Variants in EDA observed in about 807,000 individuals in gnomAD.
EDA encodes the protein ectodysplasin-A.
A neutral mutation model predicts 23.6 loss-of-function variants in EDA; 2 were observed. That is an observed-to-expected ratio of 0.08 (90% CI 0.03 to 0.27). The LOEUF (loss-of-function observed/expected upper bound fraction) is 0.27, where lower values mean the gene tolerates loss of function less well. EDA is among the 10% of genes least tolerant of loss of function. The pLI is 1.00. For synonymous variants in EDA, 131 were observed against 132.0 expected (o/e 0.99, Z 0.05); for missense variants, 229 against 324.2 (o/e 0.71, Z 2.26).
intron 1 of EDA, among the ~76,000 whole-genome samples, chrX:69,726,785 C>T (rs1432945552): frequency 1.8e-5 from 2 of 112,328 alleles, no homozygotes; most frequent in Non-Finnish European, 3.8e-5. Flanking sequence ...ACTTGCCACA[C>T]GTTCAAACCC....
intron 2 of EDA, among the ~76,000 whole-genome samples, chrX:69,970,821 G>C (rs1052202820): frequency 9.0e-5 from 10 of 111,614 alleles, no homozygotes; most frequent in African/African-American, 3.2e-4. Flanking sequence ...CATTTCTGTG[G>C]AACTCCTTAT....
Position 69,811,382 on chromosome X carries a change from C to G in EDA, c.397-145645C>G, listed in dbSNP as rs1427066153. ...GGGCCCCAATACCATATTCCTATCCCTAAATGTAAATCACTGAAACTTATT... is the reference window on the plus strand; with the variant it reads ...GGGCCCCAATACCATATTCCTATCCGTAAATGTAAATCACTGAAACTTATT... On this transcript the variant is annotated intron_variant, in intron 1 of 7. Coordinates refer to ENST00000374552, the MANE Select transcript of EDA (RefSeq NM_001399.5). 2.7e-5 allele frequency among the ~76,000 whole-genome samples: 3 copies of G among 112,461 alleles called. No individual in the cohort carries two copies. In the Admixed American group the frequency reaches 2.8e-4, roughly 11 times the overall value.
intron 1 of EDA, among the ~76,000 whole-genome samples, chrX:69,782,684 G>A (rs1007857910): frequency 1.8e-5 from 2 of 111,560 alleles, no homozygotes; most frequent in Non-Finnish European, 3.8e-5. Context: ...GATAGGGAGC[G>A]GGCCAATAAA....
intron 1 of EDA, among the ~76,000 whole-genome samples, chrX:69,668,734 G>A (rs1325474311): frequency 1.8e-5 from 2 of 109,520 alleles, no homozygotes; most frequent in East Asian, 2.9e-4. Flanking sequence ...CCACCACCAC[G>A]CCCAGCTAAT....
intron 2 of EDA, among the ~76,000 whole-genome samples, chrX:70,001,656 T>C (rs780242660): frequency 4.5e-4 from 51 of 112,843 alleles, no homozygotes; most frequent in Non-Finnish European, 6.0e-4. Flanking sequence ...TAGCCTTTAC[T>C]ATGTTTAGTG....
Position 70,027,800 on chromosome X carries a change from GCA to G in EDA, c.527-56_527-55del, listed in dbSNP as rs2020132268. On this transcript the variant is annotated intron_variant, in intron 3 of 7. Coordinates refer to ENST00000374552, the MANE Select transcript of EDA (RefSeq NM_001399.5). The stretch of plus-strand genomic sequence containing the variant: ...ATCGTGCCACTGAACTCCAGCCTGG[GCA>G]ACAGAGCAGGACTCCGTCTCAAAAA... 4 of 553,993 alleles carry G rather than the reference GCA, an allele frequency of 7.2e-6. No homozygotes were observed. The African/African-American group carries it at 9.5e-5, about 13-fold the overall frequency. 45.7% of individuals were successfully genotyped at this position (553,993 alleles called of 1,213,427 possible). A position where few individuals can be genotyped will look rare whatever the true frequency, so the allele number is the denominator to read the frequency against.
chrX:69,670,183 GTTTT>G (rs544601085), intron 1 of EDA: 46 of 235,873 alleles, frequency 2.0e-4, no homozygotes, highest in Middle Eastern at 1.1e-3. Context: ...TTGGCTGACT[GTTTT>G]TTTTTTTTTT....
At chrX:69,660,287 T>A (rs915873329) in intron 1 of EDA, among the ~76,000 whole-genome samples, 11 of 111,161 alleles carry the variant, frequency 9.9e-5, no homozygotes, top group Admixed American at 6.7e-4. Context: ...TGATTGGGAA[T>A]CAAGAAGAAT....
chrX:69,698,862 G>A (rs1455962814), intron 1 of EDA, among the ~76,000 whole-genome samples: 2 of 111,315 alleles, frequency 1.8e-5, no homozygotes, highest in African/African-American at 3.3e-5. Flanking sequence ...GATGAGTGTT[G>A]GGAGTCCAAA....
At chrX:69,786,792 A>G (rs1436608579) in intron 1 of EDA, among the ~76,000 whole-genome samples, 1 of 111,357 alleles carries the variant, frequency 9.0e-6, no homozygotes, top group Non-Finnish European at 1.9e-5. Context: ...AGAGTTCTGT[A>G]GATGTCTATT....
intron 1 of EDA, among the ~76,000 whole-genome samples, chrX:69,785,807 T>C (rs2015143186): frequency 1.9e-5 from 2 of 106,834 alleles, no homozygotes; most frequent in Admixed American, 1.0e-4. Context: ...GCTGGCCTCA[T>C]AAAATGAGTT....
intron 1 of EDA, among the ~76,000 whole-genome samples, chrX:69,852,761 T>C (rs896691815): frequency 9.0e-6 from 1 of 110,750 alleles, no homozygotes; most frequent in South Asian, 3.8e-4. Flanking sequence ...TGGTGCTGAC[T>C]GGAGTGAGAA....
At chrX:69,823,304 G>T (rs895353608) in intron 1 of EDA, among the ~76,000 whole-genome samples, 7 of 80,770 alleles carry the variant, frequency 8.7e-5, no homozygotes, top group Non-Finnish European at 2.3e-5. Flanking sequence ...CTAGTTTACA[G>T]TCCCACCAAC....
intron 1 of EDA, among the ~76,000 whole-genome samples, chrX:69,818,493 G>C (rs750000917): frequency 2.2e-4 from 25 of 111,519 alleles, no homozygotes; most frequent in African/African-American, 7.5e-4. Context: ...GAATAAACAT[G>C]AGATGAATCA....
Position 70,027,942 on chromosome X carries a change from G to A in EDA, c.612G>A (p.Gly204=), listed in dbSNP as rs757986743. ...PGPQGPPGIP[G]IPGIPGTTVM... The stretch of plus-strand genomic sequence containing the variant: ...CCCAGGGACCCCCAGGAATTCCAGG[G>A]ATTCCTGGAATTCCAGGAACAACTG... The change falls in exon 4 of 8, where the codon GGG becomes GGA. Residue 204 remains glycine (G), a synonymous_variant. Coordinates refer to ENST00000374552, the MANE Select transcript of EDA (RefSeq NM_001399.5). 1.7e-6 allele frequency: 2 copies of A among 1,179,612 alleles called. No individual in the cohort carries two copies. The highest frequency in any genetic ancestry group is 1.8e-5 in the African/African-American group (1 of 55,704).
At chrX:69,642,334 T>C (rs1301661858) in intron 1 of EDA, among the ~76,000 whole-genome samples, 2 of 111,802 alleles carry the variant, frequency 1.8e-5, no homozygotes, top group African/African-American at 3.2e-5. Context: ...TCAGTATTAT[T>C]GTGAAGACCA....
At chrX:69,998,339 C>CT (rs918223550) in intron 2 of EDA, among the ~76,000 whole-genome samples, 1 of 112,442 alleles carries the variant, frequency 8.9e-6, no homozygotes, top group Non-Finnish European at 1.9e-5. Flanking sequence ...TGCATGGGGC[C>CT]TGTAGCCCCT....
rs1209134932 is a variant in EDA at position 69,662,601 on chromosome X, G to A, written c.396+45897G>A. 5.3e-5 allele frequency among the ~76,000 whole-genome samples: 6 copies of A among 112,204 alleles called. No homozygotes were observed. In the South Asian group the frequency reaches 2.2e-3, roughly 42 times the overall value. The stretch of plus-strand genomic sequence containing the variant: ...TACAGTAAATTGGCACCGAGGTAGT[G>A]GGACATTGCTGTAAAGATACCCAAA... On this transcript the variant is annotated intron_variant, in intron 1 of 7. Transcript: ENST00000374552.
In EDA at chrX:70,037,650, A is replaced by G. The variant is rs1012399860; in HGVS notation, c.*2041A>G. On this transcript the variant is annotated 3_prime_UTR_variant, in exon 8 of 8. Coordinates refer to ENST00000374552, the MANE Select transcript of EDA (RefSeq NM_001399.5). ...CCATTACACCACAGCATTGTGTGGAATTTGAGGTCTAGAGAGAACCAATAA... is the reference window on the plus strand; with the variant it reads ...CCATTACACCACAGCATTGTGTGGAGTTTGAGGTCTAGAGAGAACCAATAA... 5.1e-4 allele frequency: 57 copies of G among 111,459 alleles called. No homozygotes were observed. Among genetic ancestry groups the G allele is most frequent in the African/African-American group, 1.8e-3 (56 of 30,662 alleles). 9.2% of individuals were successfully genotyped at this position (111,459 alleles called of 1,213,427 possible).
Sources: gnomAD v4.1 joint callset for allele counts (sites outside exome capture counted in the v4.1 genomes callset) on GRCh38, gnomAD v4.1.1 for gene constraint, MANE v1.5 for transcripts, NCBI Gene and HGNC (gene_info 2026-07-23, HGNC 2026-07-21) for gene names.